Variants in ZBED1 observed in about 807,000 individuals in gnomAD.
ZBED1 encodes the protein zinc finger BED-type containing 1, also known as E3 SUMO-protein ligase ZBED1.
Under a neutral mutation model 49.7 loss-of-function variants are expected in ZBED1, and 19 were observed. That is an observed-to-expected ratio of 0.38 (90% confidence interval 0.27 to 0.56). The LOEUF (loss-of-function observed/expected upper bound fraction) is 0.56. ZBED1 is among the 20% of genes least tolerant of loss of function. The pLI, the probability that ZBED1 is intolerant of heterozygous loss-of-function variation, is 0.70. For synonymous variants in ZBED1, 439 were observed against 440.3 expected, an observed-to-expected ratio of 1.00 and a Z score of 0.04; for missense variants, 806 against 972.6, an observed-to-expected ratio of 0.83 and a Z score of 2.28.
Position 2,489,252 on chromosome X carries a change from G to T in ZBED1, c.1468C>A (p.Arg490=), listed in dbSNP as rs751355986. The T allele has an allele frequency of 4.3e-6, 7 of 1,613,788 alleles. No individual in the cohort carries two copies. In the East Asian group the frequency reaches 1.6e-4, roughly 36 times the overall value. Residue 490 remains arginine (R), a synonymous_variant, in exon 2 of 2, where the codon CGG becomes AGG. Coordinates refer to ENST00000652001, the MANE Select transcript of ZBED1 (RefSeq NM_001171136.2). ...KRLPFLSAFE[R]QQVENRVVEE... ...ACCACGCGATTCTCCACCTGCTGCC[G>T]CTCGAAGGCGGAGAGGAAGGGCAGC...
At chrX:2,500,711 G>C (rs2045405572) in intron 1 of ZBED1, 106 bp downstream of exon 1, 1 of 196,582 alleles carries the variant, frequency 5.1e-6, no homozygotes, top group Non-Finnish European at 8.1e-6. Context: ...TTCCGGGAGC[G>C]CCACCGCCTC....
At position 2,489,157 on chromosome X, in the gene ZBED1, G is replaced by A; in HGVS notation, c.1563C>T (p.Phe521=). ...GGYRPAEDKI[F]PVPEEPPVKK... is the part of the protein sequence containing the mutation. ...TGACGGGAGGCTCCTCGGGCACCGG[G>A]AAGATCTTGTCCTCAGCCGGCCGGT... Residue 521 remains phenylalanine, a synonymous_variant, in exon 2 of 2, where the codon TTC becomes TTT. Coordinates refer to ENST00000652001, the MANE Select transcript of ZBED1 (RefSeq NM_001171136.2). 1 of 1,613,646 alleles carries A rather than the reference G, an allele frequency of 6.2e-7. No individual in the cohort carries two copies. The highest frequency in any genetic ancestry group is 1.1e-5 in the South Asian group (1 of 91,074).
In ZBED1 at chrX:2,489,577, G is replaced by A. The variant is rs756445773; in HGVS notation, c.1143C>T (p.Asn381=). The change falls in exon 2 of 2, where the codon AAC becomes AAT. Residue 381 remains asparagine (N), a synonymous_variant. Transcript: ENST00000652001. ...CGCTGGCCTCCAGCATGAGGTGGTG[G>A]TTGTTGCTGTCCTCCACCAAGACCC... ...IAGVLVEDSN[N]HHLMLEASEW... is the part of the protein sequence containing the mutation. 4.3e-6 allele frequency: 7 copies of A among 1,612,684 alleles called. No individual in the cohort carries two copies. The highest frequency in any genetic ancestry group is 5.9e-6 in the Non-Finnish European group (7 of 1,179,846).
chrX:2,489,544 G>A lies in ZBED1; in HGVS notation c.1176C>T (p.Ala392=). 4 of 1,612,818 alleles carry A rather than the reference G, an allele frequency of 2.5e-6. No individual in the cohort carries two copies. The highest frequency in any genetic ancestry group is 3.4e-6 in the Non-Finnish European group (4 of 1,179,838). ...HHLMLEASEW[A]TIEGLVELLQ... ...GGAGCTCCACCAGCCCCTCGATGGTGGCCCACTCGCTGGCCTCCAGCATGA... is the reference window on the plus strand; with the variant it reads ...GGAGCTCCACCAGCCCCTCGATGGTAGCCCACTCGCTGGCCTCCAGCATGA... Residue 392 remains alanine, a synonymous_variant, in exon 2 of 2, where the codon GCC becomes GCT. Transcript: ENST00000652001.
At position 2,496,677 on chromosome X, in the gene ZBED1, C is replaced by T. The variant is rs747176623; in HGVS notation, c.-54+4140G>A. On this transcript the variant is annotated intron_variant, in intron 1 of 1. Transcript: ENST00000652001. ...TAAAAGAGATTTTAAATGTTCCCACCGCAAAGGAAAAATAGCGGGTGATAG... is the reference window on the plus strand; with the variant it reads ...TAAAAGAGATTTTAAATGTTCCCACTGCAAAGGAAAAATAGCGGGTGATAG... Among the ~76,000 whole-genome samples the T allele has an allele frequency of 3.3e-5, 5 of 151,924 alleles. No individual in the cohort carries two copies. In the East Asian group the frequency reaches 7.7e-4, roughly 23 times the overall value.
intron 1 of ZBED1, among the ~76,000 whole-genome samples, chrX:2,492,006 A>G (rs1383265615): frequency 6.6e-6 from 1 of 152,218 alleles, no homozygotes; most frequent in Admixed American, 6.5e-5. Flanking sequence ...CCAAGTGTCC[A>G]GTACAGTGCT....
In ZBED1 at chrX:2,486,688, C is replaced by G. The variant is rs1348813059; in HGVS notation, c.*1947G>C. 6.6e-6 allele frequency: 1 copy of G among 152,300 alleles called. No individual in the cohort carries two copies. Among genetic ancestry groups the G allele is most frequent in the Non-Finnish European group, 1.5e-5 (1 of 68,090 alleles). The allele number at this position is 152,300 out of a possible 1,614,324, so 9.4% of individuals were successfully genotyped here. Reference sequence around the variant, plus strand: ...CTCGGGGCAGAACAGGGAGCAACCCCAAAGCCTGCCCCACTGTGTCCCTTC... The same window carrying G: ...CTCGGGGCAGAACAGGGAGCAACCCGAAAGCCTGCCCCACTGTGTCCCTTC... On this transcript the variant is annotated 3_prime_UTR_variant, in exon 2 of 2. Transcript: ENST00000652001.
Position 2,489,115 on chromosome X carries a change from T to G in ZBED1, c.1605A>C (p.Thr535=). The G allele has an allele frequency of 6.2e-7, 1 of 1,613,640 alleles. No individual in the cohort carries two copies. Among genetic ancestry groups the G allele is most frequent in the Non-Finnish European group, 8.5e-7 (1 of 1,179,850 alleles). The change falls in exon 2 of 2, where the codon ACA becomes ACC. Residue 535 remains threonine (T), a synonymous_variant. Transcript: ENST00000652001. ...TGACGCTGGCGGGCGGCGGCGTGGA[T>G]GTCCGCATGAGCTTCTTGACGGGAG... ...EEPPVKKLMR[T]STPPPASVIN...
chrX:2,500,751 CG>C, intron 1 of ZBED1, 65 bp downstream of exon 1: 37 of 809,750 alleles, frequency 4.6e-5, no homozygotes, highest in Non-Finnish European at 5.3e-5. Context: ...CCCGCGCCCC[CG>C]CCCCCGAGCC....
Position 2,490,834 on chromosome X carries a change from C to T in ZBED1, c.-53-62G>A, listed in dbSNP as rs758215277. ...ACCCAGGCACGCACGGGAGCCCTGC[C>T]GGGGAGACAGACAGGGTGCCGGGGC... On this transcript the variant is annotated intron_variant, in intron 1 of 1. Coordinates refer to ENST00000652001, the MANE Select transcript of ZBED1 (RefSeq NM_001171136.2). 4.2e-5 allele frequency: 60 copies of T among 1,436,442 alleles called. No homozygotes were observed. In the South Asian group the frequency reaches 4.9e-4, roughly 12 times the overall value. The allele number at this position is 1,436,442 out of a possible 1,614,324, so 89.0% of individuals were successfully genotyped here. A position where few individuals can be genotyped will look rare whatever the true frequency, so the allele number is the denominator to read the frequency against.
In ZBED1 at chrX:2,489,100, G is replaced by T; in HGVS notation, c.1620C>A (p.Pro540=). The change falls in exon 2 of 2, where the codon CCC becomes CCA. Residue 540 remains proline (P), a synonymous_variant. Coordinates refer to ENST00000652001, the MANE Select transcript of ZBED1 (RefSeq NM_001171136.2). The part of the protein sequence containing the change: ...KKLMRTSTPP[P]ASVINNMLAE... ...CCAGCATGTTGTTGATGACGCTGGC[G>T]GGCGGCGGCGTGGATGTCCGCATGA... The T allele has an allele frequency of 6.2e-7, 1 of 1,613,616 alleles. No homozygotes were observed. Among genetic ancestry groups the T allele is most frequent in the Non-Finnish European group, 8.5e-7 (1 of 1,179,828 alleles).
rs780897539 is a variant in ZBED1, at chrX:2,489,791, G to A, written c.929C>T (p.Ala310Val). Residue 310 changes from alanine to valine, a missense_variant, in exon 2 of 2, where the codon GCG (alanine) becomes GTG (valine). By Grantham distance (64) the Ala-to-Val change is moderately conservative. Around this residue, in one of 2 missense-constraint regions of ZBED1, gnomAD observed 749 missense variants for 861.3 expected, o/e 0.87. Coordinates refer to ENST00000652001, the MANE Select transcript of ZBED1 (RefSeq NM_001171136.2). ...CAGTTTGCGGCAGCGCGACAGCAGCGCCCCCAGCTTCGGGAGCTGGAAGGC... is the reference window on the plus strand; with the variant it reads ...CAGTTTGCGGCAGCGCGACAGCAGCACCCCCAGCTTCGGGAGCTGGAAGGC... ...QQAFQLPKLG[A>V]LLSRCRKLVE... 25 of 1,613,296 alleles carry A rather than the reference G, an allele frequency of 1.5e-5. No homozygotes were observed. Among genetic ancestry groups the A allele is most frequent in the Non-Finnish European group, 1.9e-5 (22 of 1,179,872 alleles).
chrX:2,489,310 G>C lies in ZBED1; in HGVS notation c.1410C>G (p.Asn470Lys), dbSNP rs141520513. 6.2e-7 allele frequency: 1 copy of C among 1,613,952 alleles called. No homozygotes were observed. The highest frequency in any genetic ancestry group is 8.5e-7 in the Non-Finnish European group (1 of 1,179,858). ...QETPEIDMFL[N>K]VATFLDPRYK... ...AGCGGGGGTCCAGGAAGGTGGCCAC[G>C]TTGAGAAACATGTCGATCTCGGGCG... Residue 470 changes from asparagine to lysine, a missense_variant, in exon 2 of 2, where the codon AAC (asparagine) becomes AAG (lysine). By Grantham distance (94) the Asn-to-Lys change is moderately conservative (BLOSUM62 0). Transcript: ENST00000652001.
At chrX:2,491,847 T>C (rs1355691444) in intron 1 of ZBED1, among the ~76,000 whole-genome samples, 1 of 152,146 alleles carries the variant, frequency 6.6e-6, no homozygotes, top group Admixed American at 6.5e-5. Flanking sequence ...TGTGGAGGCT[T>C]AGATGACCCA....
intron 1 of ZBED1, among the ~76,000 whole-genome samples, chrX:2,495,369 A>G (rs1269669502): frequency 6.6e-6 from 1 of 151,952 alleles, no homozygotes; most frequent in Non-Finnish European, 1.5e-5. Flanking sequence ...TATTAATATT[A>G]TTGTTATTAT....
intron 1 of ZBED1, chrX:2,500,396 G>A (rs1257724786): frequency 5.9e-6 from 1 of 169,790 alleles, no homozygotes; most frequent in Admixed American, 6.1e-5. Flanking sequence ...CTGGCCGACC[G>A]CAGGCGGCAG....
chrX:2,497,245 G>A lies in ZBED1; in HGVS notation c.-54+3572C>T, dbSNP rs181681254. ...CCCCATCTCACTAAAAATACAAAAT[G>A]AGCCAGGCATGGTGGCACATGCCTG... On this transcript the variant is annotated intron_variant, in intron 1 of 1. Coordinates refer to ENST00000652001, the MANE Select transcript of ZBED1 (RefSeq NM_001171136.2). Among the ~76,000 whole-genome samples the A allele has an allele frequency of 3.2e-3, 480 of 152,148 alleles. 2 individuals carry two copies. The highest frequency in any genetic ancestry group is 0.011 in the African/African-American group (465 of 41,498).
At position 2,489,078 on chromosome X, in the gene ZBED1, G is replaced by A; in HGVS notation, c.1642C>T (p.Leu548=). 6.2e-7 allele frequency: 1 copy of A among 1,613,896 alleles called. No individual in the cohort carries two copies. Among genetic ancestry groups the A allele is most frequent in the Non-Finnish European group, 8.5e-7 (1 of 1,179,860 alleles). Residue 548 remains leucine (L), a synonymous_variant, in exon 2 of 2, where the codon CTG becomes TTG. Coordinates refer to ENST00000652001, the MANE Select transcript of ZBED1 (RefSeq NM_001171136.2). ...CCTGTCTGGCAGAAGATCTCGGCCA[G>A]CATGTTGTTGATGACGCTGGCGGGC... ...PPPASVINNM[L]AEIFCQTGGV... is the part of the protein sequence containing the mutation.
intron 1 of ZBED1, among the ~76,000 whole-genome samples, chrX:2,497,500 C>T (rs1257499788): frequency 1.3e-5 from 2 of 151,968 alleles, no homozygotes; most frequent in East Asian, 1.9e-4. Flanking sequence ...TTTCCCTTTA[C>T]AGGTTAAAAA....
Sources: gnomAD v4.1 joint callset for allele counts (sites outside exome capture counted in the v4.1 genomes callset) on GRCh38, gnomAD v4.1.1 for gene constraint, gnomAD v4.1.1 regional missense constraint, MANE v1.5 for transcripts, NCBI Gene and HGNC (gene_info 2026-07-23, HGNC 2026-07-21) for gene names.